Variants in MAGI1 observed in about 807,000 individuals in gnomAD.
MAGI1 encodes the protein membrane associated guanylate kinase, WW and PDZ domain containing 1, also known as membrane-associated guanylate kinase, WW and PDZ domain-containing protein 1.
MAGI1 carries 58 observed loss-of-function variants against 139.9 expected under a neutral mutation model. The ratio of observed to expected loss-of-function variants is 0.41; its 90% confidence interval spans 0.34 to 0.52. MAGI1 has a LOEUF of 0.52. MAGI1 is among the 20% of genes least tolerant of loss of function. The pLI, the probability that MAGI1 is intolerant of heterozygous loss-of-function variation, is 0.12. For missense variants in MAGI1, 1,874 were observed against 1,901.6 expected (o/e 0.99, Z 0.27); for synonymous variants, 812 against 737.9 (o/e 1.10, Z -1.63).
chr3:65,672,462 G>A (rs1371186015), intron 1 of MAGI1, among the ~76,000 whole-genome samples: 4 of 151,996 alleles, frequency 2.6e-5, no homozygotes, highest in Non-Finnish European at 4.4e-5. Flanking sequence ...AGATTATATC[G>A]GTTTAGGTCA....
intron 1 of MAGI1, among the ~76,000 whole-genome samples, chr3:65,798,460 T>G (rs2040294729): frequency 6.6e-6 from 1 of 151,990 alleles, no homozygotes; most frequent in African/African-American, 2.4e-5. Context: ...TCAAAGACAC[T>G]CTGAAGTTCC....
chr3:65,583,701 T>C (rs1209393635), intron 2 of MAGI1, among the ~76,000 whole-genome samples: 2 of 152,264 alleles, frequency 1.3e-5, no homozygotes, highest in African/African-American at 2.4e-5. Flanking sequence ...CTCTTAGTGT[T>C]TGAACAGGTA....
chr3:65,547,845 C>T (rs1011840305), intron 2 of MAGI1, among the ~76,000 whole-genome samples: 2 of 152,170 alleles, frequency 1.3e-5, no homozygotes, highest in Admixed American at 1.3e-4. Context: ...GAATTACAAT[C>T]AGGTATGTTC....
intron 1 of MAGI1, among the ~76,000 whole-genome samples, chr3:65,914,998 T>C (rs1408596669): frequency 6.6e-6 from 1 of 152,194 alleles, no homozygotes; most frequent in Non-Finnish European, 1.5e-5. Context: ...AAATGATAGT[T>C]GATAATTTTT....
chr3:65,812,074 C>A (rs1201628215), intron 1 of MAGI1, among the ~76,000 whole-genome samples: 1 of 151,998 alleles, frequency 6.6e-6, no homozygotes, highest in African/African-American at 2.4e-5. Flanking sequence ...ATTAAGCCAG[C>A]CTGAAATTGA....
chr3:65,762,369 T>G (rs1389386785), intron 1 of MAGI1, among the ~76,000 whole-genome samples: 2 of 152,206 alleles, frequency 1.3e-5, no homozygotes, highest in African/African-American at 4.8e-5. Flanking sequence ...TGCAAGGCAT[T>G]AATTCATTCT....
At position 65,375,708 on chromosome 3, in the gene MAGI1, A is replaced by G. The variant is rs563382465; in HGVS notation, c.3196+37T>C. ...AAAGACAGAGACAGAGAGAGAGAAA[A>G]AGAGAGAGAGAGAGAGAGATAATAG... On this transcript the variant is annotated intron_variant, in intron 18 of 22. Coordinates refer to ENST00000402939, the MANE Select transcript of MAGI1 (RefSeq NM_001033057.2). 3.4e-5 allele frequency: 47 copies of G among 1,375,686 alleles called. No homozygotes were observed. In the East Asian group the frequency reaches 9.3e-4, roughly 27 times the overall value. The allele number at this position is 1,375,686 out of a possible 1,614,324, so 85.2% of individuals were successfully genotyped here. A position where few individuals can be genotyped will look rare whatever the true frequency, so the allele number is the denominator to read the frequency against.
rs779826832 is a variant in MAGI1 at position 65,401,425 on chromosome 3, T to C, written c.2199+14A>G. On this transcript the variant is annotated intron_variant, in intron 13 of 22. Coordinates refer to ENST00000402939, the MANE Select transcript of MAGI1 (RefSeq NM_001033057.2). The stretch of plus-strand genomic sequence containing the variant: ...CCAGCCCCAACAAGCACCAAGTAAC[T>C]GACAAGTCCTTACCGACTTTGGGCT... 2 of 1,324,826 alleles carry C rather than the reference T, an allele frequency of 1.5e-6. No individual in the cohort carries two copies. The highest frequency in any genetic ancestry group is 2.3e-5 in the South Asian group (2 of 85,474). The allele number at this position is 1,324,826 out of a possible 1,614,324, so 82.1% of individuals were successfully genotyped here. A position where few individuals can be genotyped will look rare whatever the true frequency, so the allele number is the denominator to read the frequency against.
chr3:65,701,767 A>G (rs902590733), intron 1 of MAGI1, among the ~76,000 whole-genome samples: 3 of 152,182 alleles, frequency 2.0e-5, no homozygotes, highest in Admixed American at 6.5e-5. Context: ...TGATGCTCAG[A>G]ATCACAGCTG....
At position 65,360,668 on chromosome 3, in the gene MAGI1, G is replaced by C. The variant is rs376535204; in HGVS notation, c.3634+531C>G. Reference sequence around the variant, plus strand: ...GTAGTGGGCTCAGATGGTCTGATTTGGGGTAAGACACCAGTTGGGGGATGG... The same window carrying C: ...GTAGTGGGCTCAGATGGTCTGATTTCGGGTAAGACACCAGTTGGGGGATGG... On this transcript the variant is annotated intron_variant, in intron 22 of 22. Coordinates refer to ENST00000402939, the MANE Select transcript of MAGI1 (RefSeq NM_001033057.2). The C allele has an allele frequency of 5.6e-5, 55 of 986,726 alleles. No individual in the cohort carries two copies. The East Asian group carries it at 3.6e-3, about 65-fold the overall frequency. 61.1% of individuals were successfully genotyped at this position (986,726 alleles called of 1,614,324 possible). A position where few individuals can be genotyped will look rare whatever the true frequency, so the allele number is the denominator to read the frequency against.
At chr3:65,611,141 T>A (rs1466341589) in intron 2 of MAGI1, among the ~76,000 whole-genome samples, 1 of 140,290 alleles carries the variant, frequency 7.1e-6, no homozygotes, top group Non-Finnish European at 1.5e-5. Context: ...GTATAAATAG[T>A]ATATAGTATA....
chr3:65,499,908 A>C (rs2077018869), intron 2 of MAGI1, among the ~76,000 whole-genome samples: 1 of 152,228 alleles, frequency 6.6e-6, no homozygotes, highest in Admixed American at 6.5e-5. Flanking sequence ...TCCAAATGGT[A>C]TCAATAGGCA....
At chr3:65,950,067 C>CAAAAAAAAACAAA (rs2063733550) in intron 1 of MAGI1, among the ~76,000 whole-genome samples, 44 of 76,714 alleles carry the variant, frequency 5.7e-4, no homozygotes, top group East Asian at 2.7e-3. Flanking sequence ...AACAAAAAAA[C>CAAAAAAAAACAAA]AAAAAAAAAA....
At chr3:65,852,710 T>G (rs1363681401) in intron 1 of MAGI1, among the ~76,000 whole-genome samples, 4 of 151,872 alleles carry the variant, frequency 2.6e-5, no homozygotes, top group Non-Finnish European at 5.9e-5. Flanking sequence ...TCCACATTGG[T>G]CAGGCTGGTC....
At chr3:66,001,917 T>A (rs753821987) in intron 1 of MAGI1, among the ~76,000 whole-genome samples, 1 of 152,190 alleles carries the variant, frequency 6.6e-6, no homozygotes, top group Non-Finnish European at 1.5e-5. Flanking sequence ...ATATGATCAC[T>A]AGCAAGGTCC....
intron 1 of MAGI1, among the ~76,000 whole-genome samples, chr3:65,879,888 T>C (rs2060256814): frequency 6.6e-6 from 1 of 152,184 alleles, no homozygotes; most frequent in African/African-American, 2.4e-5. Flanking sequence ...TCTAATTACC[T>C]ATTACAGTCT....
intron 1 of MAGI1, among the ~76,000 whole-genome samples, chr3:65,906,589 A>T (rs2108647574): frequency 6.6e-6 from 1 of 152,228 alleles, no homozygotes; most frequent in African/African-American, 2.4e-5. Flanking sequence ...CAAAATCAAA[A>T]TATACAGCCA....
chr3:65,943,323 C>T (rs1380001643), intron 1 of MAGI1, among the ~76,000 whole-genome samples: 2 of 152,100 alleles, frequency 1.3e-5, no homozygotes, highest in Non-Finnish European at 1.5e-5. Flanking sequence ...CACCTGTAAT[C>T]CCAGCACTTT....
intron 1 of MAGI1, among the ~76,000 whole-genome samples, chr3:65,759,588 G>T (rs147213643): frequency 2.0e-5 from 3 of 152,176 alleles, no homozygotes; most frequent in African/African-American, 7.2e-5. Context: ...CAGTGGGTGG[G>T]GGGTAGAAGA....
Sources: gnomAD v4.1 joint callset for allele counts (sites outside exome capture counted in the v4.1 genomes callset) on GRCh38, gnomAD v4.1.1 for gene constraint, MANE v1.5 for transcripts, NCBI Gene and HGNC (gene_info 2026-07-23, HGNC 2026-07-21) for gene names.